The following MED31 variants were observed in gnomAD, a reference collection of about 807,000 sequenced individuals.
The protein encoded by MED31 is mediator complex subunit 31, also known as mediator of RNA polymerase II transcription subunit 31.
Under a neutral mutation model 22.0 loss-of-function variants are expected in MED31, and 11 were observed. The ratio of observed to expected loss-of-function variants is 0.50; its 90% CI spans 0.31 to 0.83. The LOEUF (loss-of-function observed/expected upper bound fraction) is 0.83, where lower values mean the gene tolerates loss of function less well. Ranked by LOEUF, MED31 falls within the 40% of genes least tolerant of loss-of-function variation. The pLI is 0.04. For synonymous variants in MED31, 60 were observed against 55.1 expected, an observed-to-expected ratio of 1.09 and a Z score of -0.40; for missense variants, 122 against 155.3, an observed-to-expected ratio of 0.79 and a Z score of 1.14.
In MED31 at chr17:6,644,638, C is replaced by T. The variant is rs754866427; in HGVS notation, c.225G>A (p.Met75Ile). ...KYLKYPQCLH[M>I]LELLQYEHFR... ...AGTGTTCATATTGGAGCAGCTCTAA[C>T]ATGTGTAAACACTGAGGGTACCTGG... The change falls in exon 4 of 4, where the codon ATG (methionine) becomes ATA (isoleucine). Residue 75 changes from methionine to isoleucine, a missense_variant. Physicochemically the swap from Met to Ile is conservative, Grantham distance 10. Coordinates refer to ENST00000225728, the MANE Select transcript of MED31 (RefSeq NM_016060.3). The T allele has an allele frequency of 2.1e-4, 342 of 1,596,160 alleles. No homozygotes were observed. Among genetic ancestry groups the T allele is most frequent in the Non-Finnish European group, 2.8e-4 (326 of 1,173,756 alleles).
intron 3 of MED31, among the ~76,000 whole-genome samples, chr17:6,648,411 G>C (rs924727119): frequency 6.6e-6 from 1 of 152,234 alleles, no homozygotes; most frequent in African/African-American, 2.4e-5. Flanking sequence ...CCAAGTGGTA[G>C]AAAGTGTCTC....
At chr17:6,648,360 G>C (rs1186663986) in intron 3 of MED31, among the ~76,000 whole-genome samples, 1 of 152,240 alleles carries the variant, frequency 6.6e-6, no homozygotes, top group Non-Finnish European at 1.5e-5. Context: ...AGATGGAAGA[G>C]AGATGTTATA....
Position 6,651,548 on chromosome 17 carries a change from A to G in MED31, c.-20T>C. On this transcript the variant is annotated 5_prime_UTR_variant, in exon 1 of 4. Coordinates refer to ENST00000225728, the MANE Select transcript of MED31 (RefSeq NM_016060.3). Reference sequence around the variant, plus strand: ...GGCCATAACAAACGAAGACACCAAAACGCCACCAGCCTGACAGAGCAAAAG... The same window carrying G: ...GGCCATAACAAACGAAGACACCAAAGCGCCACCAGCCTGACAGAGCAAAAG... 1 of 1,613,956 alleles carries G rather than the reference A, an allele frequency of 6.2e-7. No individual in the cohort carries two copies. Among genetic ancestry groups the G allele is most frequent in the Non-Finnish European group, 8.5e-7 (1 of 1,179,932 alleles).
chr17:6,650,232 T>A, intron 2 of MED31, 124 bp downstream of exon 2: 1 of 1,245,148 alleles, frequency 8.0e-7, no homozygotes. Context: ...TATATCTATA[T>A]ACCAGCATAA....
intron 3 of MED31, among the ~76,000 whole-genome samples, chr17:6,645,446 C>T (rs1162917525): frequency 6.6e-6 from 1 of 152,002 alleles, no homozygotes; most frequent in Non-Finnish European, 1.5e-5. Context: ...CTGTGGTTTC[C>T]AAGGAGCAGG....
At chr17:6,649,214 T>G (rs1232939929) in intron 3 of MED31, among the ~76,000 whole-genome samples, 1 of 18,080 alleles carries the variant, frequency 5.5e-5, no homozygotes, top group African/African-American at 7.2e-4. Flanking sequence ...TGGTTTTTTT[T>G]GTTTTTTTTG....
chr17:6,647,484 A>C (rs1972781198), intron 3 of MED31, among the ~76,000 whole-genome samples: 1 of 152,252 alleles, frequency 6.6e-6, no homozygotes. Context: ...CTTAAAATGC[A>C]GATTGAATCC....
At chr17:6,645,892 A>AT (rs1159469092) in intron 3 of MED31, among the ~76,000 whole-genome samples, 2 of 152,246 alleles carry the variant, frequency 1.3e-5, no homozygotes, top group Admixed American at 6.5e-5. Context: ...GGATTTCCCT[A>AT]TAAGATACTT....
intron 3 of MED31, 55 bp from the exon 4 acceptor site, chr17:6,644,714 G>C (rs1972745215): frequency 1.0e-5 from 15 of 1,472,488 alleles, no homozygotes; most frequent in African/African-American, 1.4e-5. Flanking sequence ...ATAATGCCAA[G>C]GTATAATTCA....
At chr17:6,650,312 A>G in intron 2 of MED31, 44 bp downstream of exon 2, 1 of 1,562,986 alleles carries the variant, frequency 6.4e-7, no homozygotes, top group Non-Finnish European at 8.8e-7. Flanking sequence ...TCTGTCAGAA[A>G]TCATTAATAG....
Position 6,643,875 on chromosome 17 carries a change from T to G in MED31, c.*592A>C. On this transcript the variant is annotated 3_prime_UTR_variant, in exon 4 of 4. Coordinates refer to ENST00000225728, the MANE Select transcript of MED31 (RefSeq NM_016060.3). The stretch of plus-strand genomic sequence containing the variant: ...AGTCCAGTTAGTAACTAACCACTAG[T>G]TGTCCTGCCATGACTAGGTCAAGTG... 2.7e-6 allele frequency: 1 copy of G among 376,312 alleles called. No individual in the cohort carries two copies. The highest frequency in any genetic ancestry group is 4.7e-6 in the Non-Finnish European group (1 of 212,242). 23.3% of individuals were successfully genotyped at this position (376,312 alleles called of 1,614,324 possible).
intron 3 of MED31, among the ~76,000 whole-genome samples, chr17:6,647,394 T>C (rs760965353): frequency 6.6e-6 from 1 of 152,228 alleles, no homozygotes; most frequent in Non-Finnish European, 1.5e-5. Flanking sequence ...GTTGCACAAG[T>C]GATATGCAAA....
chr17:6,644,730 T>G, intron 3 of MED31, 71 bp from the exon 4 acceptor site: 2 of 1,451,440 alleles, frequency 1.4e-6, no homozygotes, highest in South Asian at 3.2e-5. Flanking sequence ...ATTCAGTTAT[T>G]CTCTTAAAAA....
rs1246597359 is a variant in MED31, at chr17:6,643,989, TG to T, written c.*477del. On this transcript the variant is annotated 3_prime_UTR_variant, in exon 4 of 4. Transcript: ENST00000225728. ...GTCCTGCAGAATTCAAGAACCTTTA[TG>T]CAGTTCCTGTCCTATGATTTAAAGA... 5.0e-6 allele frequency: 2 copies of T among 398,228 alleles called. No homozygotes were observed. The highest frequency in any genetic ancestry group is 4.1e-5 in the African/African-American group (2 of 48,646). The allele number at this position is 398,228 out of a possible 1,614,324, so 24.7% of individuals were successfully genotyped here.
chr17:6,644,086 G>A lies in MED31; in HGVS notation c.*381C>T. The A allele has an allele frequency of 2.4e-6, 1 of 410,044 alleles. No individual in the cohort carries two copies. The highest frequency in any genetic ancestry group is 4.3e-6 in the Non-Finnish European group (1 of 232,388). 25.4% of individuals were successfully genotyped at this position (410,044 alleles called of 1,614,324 possible). A position where few individuals can be genotyped will look rare whatever the true frequency, so the allele number is the denominator to read the frequency against. On this transcript the variant is annotated 3_prime_UTR_variant, in exon 4 of 4. Transcript: ENST00000225728. The stretch of plus-strand genomic sequence containing the variant: ...AGAGTAGTTGATCTGAGACAGTAAG[G>A]TTCCAGGAGATGGTCTTGCCCTACT...
intron 3 of MED31, among the ~76,000 whole-genome samples, chr17:6,647,281 T>C (rs1597633328): frequency 6.6e-6 from 1 of 152,358 alleles, no homozygotes; most frequent in Admixed American, 6.5e-5. Context: ...CTCTATACTT[T>C]GTGTCTTATT....
At chr17:6,646,435 TAAG>T (rs1484111568) in intron 3 of MED31, among the ~76,000 whole-genome samples, 2 of 152,182 alleles carry the variant, frequency 1.3e-5, no homozygotes, top group Non-Finnish European at 2.9e-5. Flanking sequence ...AAGGAAGACA[TAAG>T]AAACTCCATT....
chr17:6,648,746 G>A (rs960506173), intron 3 of MED31, among the ~76,000 whole-genome samples: 11 of 152,182 alleles, frequency 7.2e-5, no homozygotes, highest in African/African-American at 2.7e-4. Flanking sequence ...GGGGCTACAA[G>A]GAGGTACATT....
In MED31 at chr17:6,644,605, C is replaced by T. The variant is rs758464559; in HGVS notation, c.258G>A (p.Lys86=). The change falls in exon 4 of 4, where the codon AAG becomes AAA. Residue 86 remains lysine, a synonymous_variant. Transcript: ENST00000225728. ...LELLQYEHFR[K]ELVNAQCAKF... The stretch of plus-strand genomic sequence containing the variant: ...TCGCACACTGAGCATTCACCAGCTC[C>T]TTTCGGAAGTGTTCATATTGGAGCA... 1 of 1,612,692 alleles carries T rather than the reference C, an allele frequency of 6.2e-7. No individual in the cohort carries two copies. Among genetic ancestry groups the T allele is most frequent in the Admixed American group, 1.7e-5 (1 of 59,352 alleles).
Sources: gnomAD v4.1 joint callset for allele counts (sites outside exome capture counted in the v4.1 genomes callset) on GRCh38, gnomAD v4.1.1 for gene constraint, MANE v1.5 for transcripts, NCBI Gene and HGNC (gene_info 2026-07-23, HGNC 2026-07-21) for gene names.